The following CLSTN2 variants were observed in gnomAD, a reference collection of about 807,000 sequenced individuals.
The protein encoded by CLSTN2 is calsyntenin 2.
CLSTN2 carries 48 observed loss-of-function variants against 101.2 expected under a neutral mutation model. The ratio of observed to expected loss-of-function variants is 0.47; its 90% CI spans 0.38 to 0.60. The LOEUF (loss-of-function observed/expected upper bound fraction) is 0.60, where lower values mean the gene tolerates loss of function less well. Among genes scored for constraint, CLSTN2 ranks in the 20% least tolerant of loss-of-function variants. The pLI is 0.00. For missense variants in CLSTN2, 1,160 were observed against 1,238.2 expected, an observed-to-expected ratio of 0.94 and a Z score of 0.95; for synonymous variants, 481 against 463.6, an observed-to-expected ratio of 1.04 and a Z score of -0.48.
At chr3:140,453,732 G>T (rs180721915) in intron 6 of CLSTN2, among the ~76,000 whole-genome samples, 1 of 152,128 alleles carries the variant, frequency 6.6e-6, no homozygotes, top group Non-Finnish European at 1.5e-5. Context: ...CCATAAATAT[G>T]TACAATTGTT....
At chr3:140,041,943 C>T (rs1452811849) in intron 1 of CLSTN2, among the ~76,000 whole-genome samples, 6 of 152,220 alleles carry the variant, frequency 3.9e-5, no homozygotes, top group African/African-American at 2.4e-5. Context: ...GCTCCATCTA[C>T]ATGCCAGCCC....
At chr3:140,555,589 TA>T (rs934508999) in intron 10 of CLSTN2, among the ~76,000 whole-genome samples, 2 of 152,088 alleles carry the variant, frequency 1.3e-5, no homozygotes, top group Non-Finnish European at 1.5e-5. Context: ...GGTAGCTACT[TA>T]AAAAAAATCT....
chr3:140,093,428 C>T (rs2008815077), intron 1 of CLSTN2, among the ~76,000 whole-genome samples: 1 of 152,160 alleles, frequency 6.6e-6, no homozygotes, highest in African/African-American at 2.4e-5. Context: ...AGCCTCTCTT[C>T]CCTTCTCACT....
intron 1 of CLSTN2, among the ~76,000 whole-genome samples, chr3:140,023,805 G>A (rs1482109834): frequency 1.3e-5 from 2 of 152,156 alleles, no homozygotes; most frequent in Non-Finnish European, 2.9e-5. Flanking sequence ...TCACCCAGGC[G>A]CTGCTGCTTC....
At chr3:140,496,076 T>C (rs1934458951) in intron 8 of CLSTN2, among the ~76,000 whole-genome samples, 2 of 152,236 alleles carry the variant, frequency 1.3e-5, no homozygotes, top group South Asian at 2.1e-4. Flanking sequence ...TTTCACAACA[T>C]TGATTCTTCC....
chr3:140,167,619 C>T (rs187764894), intron 1 of CLSTN2, among the ~76,000 whole-genome samples: 20 of 152,290 alleles, frequency 1.3e-4, no homozygotes, highest in African/African-American at 3.4e-4. Flanking sequence ...CAAACGCACA[C>T]GTGCAGAAGT....
intron 1 of CLSTN2, among the ~76,000 whole-genome samples, chr3:139,990,433 T>TAA (rs1165641123): frequency 1.3e-5 from 2 of 152,212 alleles, no homozygotes; most frequent in Non-Finnish European, 1.5e-5. Context: ...ACCCGCCCCC[T>TAA]TACTTCATAT....
rs774326053 is a variant in CLSTN2, at chr3:140,558,829, C to T, written c.2013C>T (p.Thr671=). The T allele has an allele frequency of 9.4e-5, 151 of 1,613,770 alleles. No individual in the cohort carries two copies. The highest frequency in any genetic ancestry group is 1.1e-4 in the Non-Finnish European group (130 of 1,179,996). ...DIKIVSTFAK[T]EAPGDVKTTD... ...AGATTGTGAGCACCTTCGCCAAAAC[C>T]GAAGCCCCCGGGGACGTGAAAACCA... The change falls in exon 12 of 17, where the codon ACC becomes ACT. Residue 671 remains threonine, a synonymous_variant. Coordinates refer to ENST00000458420, the MANE Select transcript of CLSTN2 (RefSeq NM_022131.3).
intron 1 of CLSTN2, among the ~76,000 whole-genome samples, chr3:140,062,598 GC>G (rs1268979752): frequency 6.6e-6 from 1 of 152,212 alleles, no homozygotes; most frequent in Non-Finnish European, 1.5e-5. Context: ...TGCATAGATA[GC>G]TTTTTATTTT....
chr3:140,395,436 G>T (rs4683831), intron 2 of CLSTN2, among the ~76,000 whole-genome samples: 60,145 of 152,014 alleles, frequency 0.4, 14,246 homozygotes, highest in South Asian at 0.59. Context: ...ATTAGGCATG[G>T]TAGTATCTTC....
intron 5 of CLSTN2, among the ~76,000 whole-genome samples, chr3:140,427,024 A>C (rs1411773800): frequency 6.6e-6 from 1 of 151,404 alleles, no homozygotes; most frequent in African/African-American, 2.4e-5. Flanking sequence ...AAAACACAAA[A>C]TATTAGCCAG....
At chr3:140,216,444 A>G (rs1331212757) in intron 2 of CLSTN2, among the ~76,000 whole-genome samples, 1 of 152,114 alleles carries the variant, frequency 6.6e-6, no homozygotes, top group African/African-American at 2.4e-5. Flanking sequence ...CCTCTGCTGG[A>G]GGGCAGAGGA....
At chr3:140,385,571 G>T (rs913572443) in intron 2 of CLSTN2, among the ~76,000 whole-genome samples, 52 of 151,626 alleles carry the variant, frequency 3.4e-4, no homozygotes, top group African/African-American at 1.2e-3. Context: ...TAGAGACGGG[G>T]TTTCACCGTG....
chr3:140,225,567 G>T (rs560208709), intron 2 of CLSTN2, among the ~76,000 whole-genome samples: 2 of 152,148 alleles, frequency 1.3e-5, no homozygotes, highest in African/African-American at 4.8e-5. Context: ...GCGCGATATC[G>T]GCTCACTGCA....
At chr3:140,534,980 T>C (rs1241938818) in intron 9 of CLSTN2, among the ~76,000 whole-genome samples, 1 of 152,208 alleles carries the variant, frequency 6.6e-6, no homozygotes, top group Non-Finnish European at 1.5e-5. Flanking sequence ...TGATTTCTAG[T>C]GATCGCCTCA....
chr3:139,945,415 A>T (rs1007802325), intron 1 of CLSTN2, among the ~76,000 whole-genome samples: 1 of 152,264 alleles, frequency 6.6e-6, no homozygotes, highest in African/African-American at 2.4e-5. Context: ...AAACAAGGTG[A>T]TCATATTTAA....
chr3:140,564,896 G>C (rs958127472), intron 16 of CLSTN2, among the ~76,000 whole-genome samples: 2 of 152,170 alleles, frequency 1.3e-5, no homozygotes, highest in Non-Finnish European at 2.9e-5. Context: ...GGTTCTGGTT[G>C]ATGATAGACA....
At chr3:140,523,433 T>G (rs374495084) in intron 8 of CLSTN2, among the ~76,000 whole-genome samples, 1 of 152,222 alleles carries the variant, frequency 6.6e-6, no homozygotes, top group South Asian at 2.1e-4. Context: ...TCCTTGTTTT[T>G]GATTCCTGAA....
intron 9 of CLSTN2, among the ~76,000 whole-genome samples, chr3:140,539,259 G>GTATGTGGC (rs1057064205): frequency 6.6e-6 from 1 of 152,020 alleles, no homozygotes; most frequent in African/African-American, 2.4e-5. Context: ...TTTGACAAAG[G>GTATGTGGC]TATGTGGCTC....
Sources: gnomAD v4.1 joint callset for allele counts (sites outside exome capture counted in the v4.1 genomes callset) on GRCh38, gnomAD v4.1.1 for gene constraint, MANE v1.5 for transcripts, NCBI Gene and HGNC (gene_info 2026-07-23, HGNC 2026-07-21) for gene names.